PTPRD: variants seen among roughly 807,000 people sequenced by gnomAD.
PTPRD encodes protein tyrosine phosphatase receptor type D.
PTPRD carries 34 observed loss-of-function variants against 214.5 expected under a neutral mutation model. That is an observed-to-expected ratio of 0.16 (90% confidence interval 0.12 to 0.21). The LOEUF is 0.21. Among genes scored for constraint, PTPRD ranks in the 10% least tolerant of loss-of-function variants. The probability of loss-of-function intolerance (pLI) is 1.00; values close to 1 mark genes in which losing one functional copy is unlikely to be tolerated. For missense variants in PTPRD, 2,545 were observed against 2,398.7 expected (o/e 1.06, Z -1.27); for synonymous variants, 1,128 against 845.7 (o/e 1.33, Z -5.79).
intron 7 of PTPRD, among the ~76,000 whole-genome samples, chr9:9,631,435 G>C (rs2095591513): frequency 2.0e-5 from 3 of 152,064 alleles, no homozygotes; most frequent in Non-Finnish European, 4.4e-5. Context: ...TGTTAAATTT[G>C]ACTCATTTGG....
chr9:9,581,984 T>C (rs1282834862), intron 7 of PTPRD, among the ~76,000 whole-genome samples: 11 of 152,196 alleles, frequency 7.2e-5, no homozygotes, highest in Non-Finnish European at 1.3e-4. Flanking sequence ...AATAACTGTA[T>C]ATTTTATTGC....
At chr9:9,411,008 G>C (rs1481455746) in intron 8 of PTPRD, among the ~76,000 whole-genome samples, 1 of 151,962 alleles carries the variant, frequency 6.6e-6, no homozygotes, top group South Asian at 2.1e-4. Context: ...ATACATGTTT[G>C]CTTTTTTTTC....
chr9:8,807,951 G>C (rs1050126601), intron 11 of PTPRD, among the ~76,000 whole-genome samples: 21 of 152,120 alleles, frequency 1.4e-4, no homozygotes, highest in African/African-American at 4.8e-4. Context: ...ACTCACTCTT[G>C]TATGTTAAGT....
chr9:9,498,143 T>C (rs1162919091), intron 8 of PTPRD, among the ~76,000 whole-genome samples: 3 of 152,134 alleles, frequency 2.0e-5, no homozygotes, highest in Admixed American at 6.5e-5. Flanking sequence ...TTTACAGTAG[T>C]GCCTGCCTCT....
intron 2 of PTPRD, among the ~76,000 whole-genome samples, chr9:10,491,987 G>C (rs1385706270): frequency 1.3e-5 from 2 of 152,122 alleles, no homozygotes; most frequent in African/African-American, 4.8e-5. Context: ...TCCTGTGTTA[G>C]TTTGCTGAGA....
intron 9 of PTPRD, among the ~76,000 whole-genome samples, chr9:9,293,257 T>C (rs1288574966): frequency 6.6e-6 from 1 of 151,632 alleles, no homozygotes; most frequent in Non-Finnish European, 1.5e-5. Context: ...GGATTCATGA[T>C]TATTTATTTT....
chr9:10,483,258 T>G lies in PTPRD; in HGVS notation c.-600+129140A>C, dbSNP rs569938506. Among the ~76,000 whole-genome samples the G allele has an allele frequency of 2.5e-3, 376 of 152,242 alleles. 3 individuals carry two copies. Among genetic ancestry groups the G allele is most frequent in the African/African-American group, 8.4e-3 (350 of 41,562 alleles). The stretch of plus-strand genomic sequence containing the variant: ...GTAGAAAAATGAAACTGGATCCTTA[T>G]TTCTCACCATGTACAAAAATGAACT... On this transcript the variant is annotated intron_variant, in intron 2 of 45. Transcript: ENST00000381196.
Position 8,375,866 on chromosome 9 carries a change from T to G in PTPRD, c.4661+70A>C, listed in dbSNP as rs140933631. The G allele has an allele frequency of 7.0e-4, 1,070 of 1,526,488 alleles. 6 individuals carry two copies. The African/African-American group carries it at 0.012, about 17-fold the overall frequency. The allele number at this position is 1,526,488 out of a possible 1,614,324, so 94.6% of individuals were successfully genotyped here. On this transcript the variant is annotated intron_variant, in intron 39 of 45. Coordinates refer to ENST00000381196, the MANE Select transcript of PTPRD (RefSeq NM_002839.4). ...TTACTATTCCAGAATGTCAAGAAGT[T>G]GCAGAAACATCCAATGAGAGTCAAT...
chr9:9,109,903 G>C (rs895778925), intron 10 of PTPRD, among the ~76,000 whole-genome samples: 3 of 152,052 alleles, frequency 2.0e-5, no homozygotes, highest in Non-Finnish European at 4.4e-5. Context: ...TCGATATGTA[G>C]ACTGAAGATG....
At chr9:8,359,208 C>A (rs992571898) in intron 39 of PTPRD, among the ~76,000 whole-genome samples, 1 of 151,038 alleles carries the variant, frequency 6.6e-6, no homozygotes, top group Non-Finnish European at 1.5e-5. Flanking sequence ...CAAAGTGCGG[C>A]CCCATGACCA....
chr9:9,264,565 T>C (rs993018287), intron 9 of PTPRD, among the ~76,000 whole-genome samples: 2 of 151,390 alleles, frequency 1.3e-5, no homozygotes, highest in African/African-American at 4.8e-5. Context: ...AAATTTCACA[T>C]CTTAGGAGTC....
chr9:9,685,956 C>A (rs1397463377), intron 7 of PTPRD, among the ~76,000 whole-genome samples: 1 of 151,172 alleles, frequency 6.6e-6, no homozygotes, highest in Non-Finnish European at 1.5e-5. Context: ...AAATAAATAT[C>A]CAATTTTTTG....
chr9:10,607,707 A>G (rs1436089718), intron 2 of PTPRD, among the ~76,000 whole-genome samples: 2 of 151,964 alleles, frequency 1.3e-5, no homozygotes, highest in African/African-American at 2.4e-5. Flanking sequence ...AAAGTTTCCA[A>G]TTTCATCAGT....
chr9:10,256,603 G>GCC (rs2093302245), intron 3 of PTPRD, among the ~76,000 whole-genome samples: 1 of 152,034 alleles, frequency 6.6e-6, no homozygotes, highest in Non-Finnish European at 1.5e-5. Context: ...AGCTATCCTT[G>GCC]CCTTACACTT....
chr9:8,495,311 C>T (rs1457795646), intron 26 of PTPRD, among the ~76,000 whole-genome samples: 1 of 152,198 alleles, frequency 6.6e-6, no homozygotes, highest in Non-Finnish European at 1.5e-5. Context: ...TGACCTCTTT[C>T]TCTTCCTCAG....
At chr9:9,220,219 A>C (rs1392975404) in intron 9 of PTPRD, among the ~76,000 whole-genome samples, 1 of 151,920 alleles carries the variant, frequency 6.6e-6, no homozygotes, top group Non-Finnish European at 1.5e-5. Flanking sequence ...ACACATTCAA[A>C]TAATTATTGT....
intron 10 of PTPRD, among the ~76,000 whole-genome samples, chr9:9,070,784 A>T (rs896205160): frequency 6.6e-6 from 1 of 152,184 alleles, no homozygotes; most frequent in Admixed American, 6.5e-5. Context: ...ATCACACTTT[A>T]TAAGTAAAAC....
intron 3 of PTPRD, among the ~76,000 whole-genome samples, chr9:10,161,166 T>A (rs1267503033): frequency 6.6e-6 from 1 of 151,746 alleles, no homozygotes; most frequent in Non-Finnish European, 1.5e-5. Context: ...TTTAATGCAA[T>A]CCCAATGAAA....
chr9:10,365,058 G>T (rs868373794), intron 2 of PTPRD, among the ~76,000 whole-genome samples: 2 of 152,150 alleles, frequency 1.3e-5, no homozygotes, highest in Non-Finnish European at 1.5e-5. Context: ...TTACATCAAA[G>T]TGTACCAACC....
Sources: gnomAD v4.1 joint callset for allele counts (sites outside exome capture counted in the v4.1 genomes callset) on GRCh38, gnomAD v4.1.1 for gene constraint, MANE v1.5 for transcripts, NCBI Gene and HGNC (gene_info 2026-07-23, HGNC 2026-07-21) for gene names.